Variants in JARID2 observed in about 807,000 individuals in gnomAD.
JARID2 encodes the protein jumonji and AT-rich interaction domain containing 2.
Under a neutral mutation model 125.6 loss-of-function variants are expected in JARID2, and 21 were observed. That is an observed-to-expected ratio of 0.17 (90% CI 0.12 to 0.24). The LOEUF is 0.24. Ranked by LOEUF, JARID2 falls within the 10% of genes least tolerant of loss-of-function variation. JARID2 has a pLI of 1.00. For missense variants in JARID2, 1,303 were observed against 1,639.6 expected, an observed-to-expected ratio of 0.79 and a Z score of 3.55; for synonymous variants, 736 against 661.6, an observed-to-expected ratio of 1.11 and a Z score of -1.73.
chr6:15,457,485 A>C (rs888104172), intron 4 of JARID2, among the ~76,000 whole-genome samples: 2 of 152,224 alleles, frequency 1.3e-5, no homozygotes, highest in African/African-American at 2.4e-5. Flanking sequence ...TGTGAGGGGT[A>C]AAGAAGGCAG....
intron 2 of JARID2, among the ~76,000 whole-genome samples, chr6:15,407,967 A>G (rs1357896791): frequency 1.3e-5 from 2 of 152,148 alleles, no homozygotes; most frequent in Non-Finnish European, 2.9e-5. Flanking sequence ...GTGCTATTGA[A>G]AAAAGGAAAC....
chr6:15,407,643 C>A (rs1765705036), intron 2 of JARID2, among the ~76,000 whole-genome samples: 1 of 152,208 alleles, frequency 6.6e-6, no homozygotes, highest in Admixed American at 6.5e-5. Flanking sequence ...TCCTTGTCCT[C>A]TTCGTCCATC....
At chr6:15,468,163 C>T (rs1167189636) in intron 4 of JARID2, among the ~76,000 whole-genome samples, 3 of 123,792 alleles carry the variant, frequency 2.4e-5, no homozygotes, top group African/African-American at 8.9e-5. Flanking sequence ...CTTCTGTCTT[C>T]TCTGTCTTTT....
At chr6:15,432,959 C>CA (rs747775905) in intron 3 of JARID2, among the ~76,000 whole-genome samples, 4 of 152,240 alleles carry the variant, frequency 2.6e-5, no homozygotes, top group Non-Finnish European at 4.4e-5. Context: ...GGTTAAAACA[C>CA]AGACTGGCTA....
rs376261176 is a variant in JARID2 at position 15,383,342 on chromosome 6, G to T, written c.181+9090G>T. ...TTTAAGCTGAAGCTCTTTCTATAAG[G>T]GTCTCTCTAGTTTCTTTGCGGATGA... On this transcript the variant is annotated intron_variant, in intron 2 of 17. Coordinates refer to ENST00000341776, the MANE Select transcript of JARID2 (RefSeq NM_004973.4). 1.7e-4 allele frequency among the ~76,000 whole-genome samples: 25 copies of T among 151,224 alleles called. No individual in the cohort carries two copies. The East Asian group carries it at 4.7e-3, about 28-fold the overall frequency.
chr6:15,508,759 C>T (rs80123814), intron 12 of JARID2, among the ~76,000 whole-genome samples: 2,360 of 152,276 alleles, frequency 0.015, 62 homozygotes, highest in African/African-American at 0.054. Flanking sequence ...TACCTACTTA[C>T]GTCTGTTTTT....
chr6:15,390,140 G>C (rs73363162), intron 2 of JARID2, among the ~76,000 whole-genome samples: 2 of 152,154 alleles, frequency 1.3e-5, no homozygotes, highest in East Asian at 3.9e-4. Flanking sequence ...GTAAGGAGGA[G>C]GAACTTGCCT....
At chr6:15,419,978 A>G (rs373575267) in intron 3 of JARID2, among the ~76,000 whole-genome samples, 1 of 152,172 alleles carries the variant, frequency 6.6e-6, no homozygotes. Flanking sequence ...CCTAATTTTC[A>G]TATATATTAC....
intron 1 of JARID2, among the ~76,000 whole-genome samples, chr6:15,272,143 C>A (rs976084903): frequency 6.6e-6 from 1 of 152,150 alleles, no homozygotes; most frequent in Non-Finnish European, 1.5e-5. Flanking sequence ...GAAAAAACAG[C>A]AGAAAAACAA....
intron 5 of JARID2, among the ~76,000 whole-genome samples, chr6:15,476,963 G>A (rs966695235): frequency 6.6e-6 from 1 of 152,182 alleles, no homozygotes; most frequent in Non-Finnish European, 1.5e-5. Flanking sequence ...TGAGTGCTTT[G>A]AGGAGGAGAC....
chr6:15,487,689 A>G (rs2127718190), intron 6 of JARID2, 147 bp downstream of exon 6: 2 of 723,540 alleles, frequency 2.8e-6, no homozygotes, highest in Non-Finnish European at 2.3e-6. Flanking sequence ...GCACCTTTGC[A>G]TGAGCTGCAG....
intron 5 of JARID2, among the ~76,000 whole-genome samples, chr6:15,472,182 GGTC>G (rs1769108663): frequency 6.6e-6 from 1 of 151,344 alleles, no homozygotes; most frequent in Non-Finnish European, 1.5e-5. Flanking sequence ...TGGAATGAGT[GGTC>G]TTGGGTAAGC....
intron 13 of JARID2, 109 bp downstream of exon 13, chr6:15,511,510 C>A: frequency 1.3e-6 from 1 of 744,662 alleles, no homozygotes; most frequent in Non-Finnish European, 2.3e-6. Context: ...CACAGCAAAA[C>A]AAATCCCCAG....
chr6:15,376,213 TAA>T (rs1157095348), intron 2 of JARID2, among the ~76,000 whole-genome samples: 5 of 152,224 alleles, frequency 3.3e-5, no homozygotes, highest in African/African-American at 1.2e-4. Context: ...TTCATCCAGA[TAA>T]AGACTTTTAA....
chr6:15,250,342 TATTC>T (rs1759395339), intron 1 of JARID2, among the ~76,000 whole-genome samples: 1 of 152,346 alleles, frequency 6.6e-6, no homozygotes, highest in East Asian at 1.9e-4. Context: ...TTTTAAAACT[TATTC>T]ATCACAAATT....
At chr6:15,350,072 T>C (rs930326066) in intron 1 of JARID2, among the ~76,000 whole-genome samples, 2 of 152,170 alleles carry the variant, frequency 1.3e-5, no homozygotes, top group African/African-American at 4.8e-5. Flanking sequence ...TGGATAAGTC[T>C]GCTGTATTGT....
At chr6:15,371,737 C>G (rs1019552926) in intron 1 of JARID2, among the ~76,000 whole-genome samples, 1 of 152,182 alleles carries the variant, frequency 6.6e-6, no homozygotes, top group Non-Finnish European at 1.5e-5. Flanking sequence ...CACGCAGTAG[C>G]AGGTTAGAAA....
intron 1 of JARID2, among the ~76,000 whole-genome samples, chr6:15,289,248 A>G (rs955129972): frequency 6.6e-6 from 1 of 152,236 alleles, no homozygotes; most frequent in Non-Finnish European, 1.5e-5. Flanking sequence ...AAATAAATAA[A>G]TAAAAAAGAA....
intron 4 of JARID2, among the ~76,000 whole-genome samples, chr6:15,465,653 A>T (rs966451050): frequency 1.3e-5 from 2 of 151,162 alleles, no homozygotes; most frequent in Non-Finnish European, 1.5e-5. Flanking sequence ...TTGAGTTTTT[A>T]AAAAAATCCT....
Sources: gnomAD v4.1 joint callset for allele counts (sites outside exome capture counted in the v4.1 genomes callset) on GRCh38, gnomAD v4.1.1 for gene constraint, MANE v1.5 for transcripts, NCBI Gene and HGNC (gene_info 2026-07-23, HGNC 2026-07-21) for gene names.